UTP20: variants seen among roughly 807,000 people sequenced by gnomAD.
UTP20 encodes the protein UTP20 small subunit processome component, also known as small subunit processome component 20 homolog.
UTP20 carries 164 observed loss-of-function variants against 329.5 expected under a neutral mutation model. That is an observed-to-expected ratio of 0.50 (90% confidence interval 0.44 to 0.57). UTP20 has a LOEUF of 0.57. UTP20 is among the 20% of genes least tolerant of loss of function. The pLI, the probability that UTP20 is intolerant of heterozygous loss-of-function variation, is 0.00. For missense variants in UTP20, 3,055 were observed against 3,284.2 expected, an observed-to-expected ratio of 0.93 and a Z score of 1.71; for synonymous variants, 1,151 against 1,159.3, an observed-to-expected ratio of 0.99 and a Z score of 0.14.
chr12:101,329,399 C>A lies in UTP20; in HGVS notation c.3367C>A (p.Leu1123Met), dbSNP rs199815086. The A allele has an allele frequency of 5.6e-6, 9 of 1,614,104 alleles. No homozygotes were observed. Among genetic ancestry groups the A allele is most frequent in the African/African-American group, 1.3e-5 (1 of 75,038 alleles). Residue 1123 changes from leucine (L) to methionine (M), a missense_variant, in exon 27 of 62, where the codon CTG becomes ATG. Around this residue, in one of 3 missense-constraint regions of UTP20, gnomAD observed 2,445 missense variants for 2,575.5 expected, o/e 0.95. Coordinates refer to ENST00000261637, the MANE Select transcript of UTP20 (RefSeq NM_014503.3). Reference protein sequence around the residue: ...SAYLPKILQILLCMTATVSHI... With the variant: ...SAYLPKILQIMLCMTATVSHI... The stretch of plus-strand genomic sequence containing the variant: ...ATACCTGCCGAAGATTTTGCAGATA[C>A]TGCTCTGTATGACAGCAACCGTATC...
At chr12:101,326,047 G>A (rs1288452087) in intron 25 of UTP20, among the ~76,000 whole-genome samples, 1 of 152,200 alleles carries the variant, frequency 6.6e-6, no homozygotes, top group African/African-American at 2.4e-5. Context: ...ATAGTATCAT[G>A]TATGGGTAAA....
intron 29 of UTP20, 145 bp from the exon 30 acceptor site, chr12:101,337,906 A>G: frequency 1.3e-6 from 1 of 746,870 alleles, no homozygotes; most frequent in East Asian, 2.7e-5. Flanking sequence ...TTATCCATCA[A>G]ATTTTAGATT....
Position 101,280,116 on chromosome 12 carries a change from T to G in UTP20, c.-167T>G, listed in dbSNP as rs577203029. 2.1e-4 allele frequency: 178 copies of G among 835,932 alleles called. No homozygotes were observed. Among genetic ancestry groups the G allele is most frequent in the Non-Finnish European group, 3.1e-4 (169 of 543,278 alleles). 51.8% of individuals were successfully genotyped at this position (835,932 alleles called of 1,614,324 possible). A position where few individuals can be genotyped will look rare whatever the true frequency, so the allele number is the denominator to read the frequency against. On this transcript the variant is annotated 5_prime_UTR_variant, in exon 1 of 62. Coordinates refer to ENST00000261637, the MANE Select transcript of UTP20 (RefSeq NM_014503.3). ...CGTCCACGTGACCCACTCAGGCTCC[T>G]CCTTGTCTCCAACATGGCGGCGCCC...
At chr12:101,308,436 T>C in intron 18 of UTP20, 93 bp downstream of exon 18, 1 of 655,102 alleles carries the variant, frequency 1.5e-6, no homozygotes, top group Non-Finnish European at 2.0e-6. Context: ...ATAATAATAA[T>C]AATAATAATA....
chr12:101,368,375 C>T (rs1870168530), intron 48 of UTP20, among the ~76,000 whole-genome samples: 1 of 151,998 alleles, frequency 6.6e-6, no homozygotes, highest in Non-Finnish European at 1.5e-5. Context: ...TCAGATGATC[C>T]ACCCTCCTTG....
Position 101,386,016 on chromosome 12 carries a change from A to C in UTP20, c.8251A>C (p.Lys2751Gln), listed in dbSNP as rs1447073665. 1 of 1,609,014 alleles carries C rather than the reference A, an allele frequency of 6.2e-7. No homozygotes were observed. The highest frequency in any genetic ancestry group is 8.5e-7 in the Non-Finnish European group (1 of 1,178,804). ...IAAKKKMKKH[K>Q]NKSEAKKRKI... ...TGCCAAGAAAAAAATGAAGAAACAC[A>C]AAAATAAAAGTGAAGCAAAGAAGAG... is the stretch of plus-strand genomic sequence containing the variant. Residue 2751 changes from lysine to glutamine, a missense_variant, in exon 62 of 62, where the codon AAA becomes CAA. Physicochemically the swap from Lys to Gln is moderately conservative, Grantham distance 53. This residue lies in a region of UTP20 where 337 missense variants were observed against 345.5 expected (regional missense o/e 0.98). Coordinates refer to ENST00000261637, the MANE Select transcript of UTP20 (RefSeq NM_014503.3).
chr12:101,283,732 T>C (rs1009684795), intron 2 of UTP20, among the ~76,000 whole-genome samples: 4 of 152,166 alleles, frequency 2.6e-5, no homozygotes, highest in Admixed American at 6.5e-5. Flanking sequence ...TTTTGAAAAA[T>C]AGAGATAGGA....
At chr12:101,285,352 T>C (rs780174603) in intron 2 of UTP20, among the ~76,000 whole-genome samples, 3 of 152,210 alleles carry the variant, frequency 2.0e-5, no homozygotes, top group Non-Finnish European at 4.4e-5. Context: ...AATTATTTGC[T>C]GAAACCAAAT....
chr12:101,340,642 C>T, intron 32 of UTP20, 32 bp downstream of exon 32: 1 of 1,415,254 alleles, frequency 7.1e-7, no homozygotes, highest in Non-Finnish European at 9.9e-7. Flanking sequence ...AACTTTGTCT[C>T]TAGAGTGGCA....
At position 101,346,418 on chromosome 12, in the gene UTP20, C is replaced by T. The variant is rs768683217; in HGVS notation, c.4747-33C>T. The T allele has an allele frequency of 2.2e-5, 34 of 1,552,778 alleles. No homozygotes were observed. The Admixed American group carries it at 2.5e-4, about 11-fold the overall frequency. On this transcript the variant is annotated intron_variant, in intron 37 of 61. Coordinates refer to ENST00000261637, the MANE Select transcript of UTP20 (RefSeq NM_014503.3). Reference sequence around the variant, plus strand: ...GGAGCTGGTTGTAGGTGAGATTATTCGGTAACTAATTCATATTTTATCTTA... The same window carrying T: ...GGAGCTGGTTGTAGGTGAGATTATTTGGTAACTAATTCATATTTTATCTTA...
At chr12:101,327,415 T>G (rs1344543246) in intron 26 of UTP20, among the ~76,000 whole-genome samples, 168 bp downstream of exon 26, 1 of 152,198 alleles carries the variant, frequency 6.6e-6, no homozygotes, top group African/African-American at 2.4e-5. Flanking sequence ...TTCAATTAAA[T>G]TGCGTGAAAC....
intron 1 of UTP20, among the ~76,000 whole-genome samples, chr12:101,280,824 A>G (rs959843791): frequency 3.9e-5 from 6 of 152,202 alleles, no homozygotes; most frequent in Non-Finnish European, 7.3e-5. Context: ...ATGGGAGGGT[A>G]TGAAACCTAA....
intron 39 of UTP20, 95 bp downstream of exon 39, chr12:101,352,289 C>T: frequency 7.4e-7 from 1 of 1,343,458 alleles, no homozygotes; most frequent in Non-Finnish European, 1.0e-6. Flanking sequence ...TTTCTTAATC[C>T]AGTCTATCAT....
intron 21 of UTP20, among the ~76,000 whole-genome samples, chr12:101,313,093 G>A (rs35319863): frequency 0.021 from 3,257 of 152,270 alleles, 54 homozygotes; most frequent in South Asian, 0.049. Flanking sequence ...GTTTTCTGGA[G>A]CATTGTTTTG....
rs147229716 is a variant in UTP20, at chr12:101,298,509, G to C, written c.1431-1173G>C. On this transcript the variant is annotated intron_variant, in intron 12 of 61. Transcript: ENST00000261637. ...AAAACCTCTGTGGGTAAAGAGCAAG[G>C]AGGAGATTGGGGTGAGAGGAGATGG... Among the ~76,000 whole-genome samples the C allele has an allele frequency of 1.2e-3, 185 of 152,244 alleles. 1 individual carries two copies. The highest frequency in any genetic ancestry group is 2.3e-3 in the Non-Finnish European group (156 of 68,014).
intron 39 of UTP20, 44 bp from the exon 40 acceptor site, chr12:101,353,003 T>C (rs1304081474): frequency 1.6e-6 from 2 of 1,236,720 alleles, no homozygotes; most frequent in Non-Finnish European, 2.3e-6. Context: ...TCCAGTGATA[T>C]TAATAATCAA....
chr12:101,373,314 A>G, intron 52 of UTP20, 87 bp from the exon 53 acceptor site: 2 of 1,291,100 alleles, frequency 1.5e-6, no homozygotes, highest in Middle Eastern at 2.0e-4. Flanking sequence ...AAGTAAACTG[A>G]CACCTTGATA....
chr12:101,345,509 A>T, intron 36 of UTP20, 45 bp from the exon 37 acceptor site: 4 of 1,267,254 alleles, frequency 3.2e-6, no homozygotes, highest in Non-Finnish European at 4.3e-6. Flanking sequence ...TTAGAAACAA[A>T]TTCTTTTTAA....
intron 21 of UTP20, among the ~76,000 whole-genome samples, 165 bp downstream of exon 21, chr12:101,312,441 T>C (rs1270289909): frequency 1.3e-5 from 2 of 152,146 alleles, no homozygotes; most frequent in African/African-American, 4.8e-5. Flanking sequence ...GTTTTTGTTT[T>C]TGTTTTGTTT....
Sources: allele counts gnomAD v4.1 joint callset (sites outside exome capture counted in the v4.1 genomes callset), GRCh38; gene constraint gnomAD v4.1.1; regional missense constraint gnomAD v4.1.1; transcripts MANE v1.5; gene names NCBI Gene and HGNC (gene_info 2026-07-23, HGNC 2026-07-21).